The following GPR158 variants were observed in gnomAD, a reference collection of about 807,000 sequenced individuals.
The protein encoded by GPR158 is G protein-coupled receptor 158, also known as metabotropic glycine receptor.
In GPR158, 30 loss-of-function variants were observed where a neutral mutation model predicts 78.2. That is an observed-to-expected ratio of 0.38 (90% CI 0.29 to 0.52). The LOEUF (loss-of-function observed/expected upper bound fraction) is 0.52. Ranked by LOEUF, GPR158 falls within the 20% of genes least tolerant of loss-of-function variation. The pLI is 0.83. For synonymous variants in GPR158, 581 were observed against 591.1 expected (o/e 0.98, Z 0.25); for missense variants, 1,463 against 1,523.5 (o/e 0.96, Z 0.66).
intron 2 of GPR158, among the ~76,000 whole-genome samples, chr10:25,308,068 C>T (rs150034578): frequency 6.6e-6 from 1 of 152,114 alleles, no homozygotes; most frequent in African/African-American, 2.4e-5. Flanking sequence ...TTTAATTTAG[C>T]CAATATGTTA....
intron 8 of GPR158, among the ~76,000 whole-genome samples, chr10:25,592,266 T>C (rs138475969): frequency 4.8e-4 from 73 of 152,118 alleles, no homozygotes; most frequent in African/African-American, 1.2e-3. Context: ...AATTGTCAAA[T>C]TGCACAAAAA....
intron 2 of GPR158, among the ~76,000 whole-genome samples, chr10:25,295,949 G>A (rs967113400): frequency 4.6e-5 from 7 of 151,424 alleles, no homozygotes; most frequent in African/African-American, 1.5e-4. Context: ...TTAGATCAGA[G>A]ACCTCAGAAG....
rs958270051 is a variant in GPR158, at chr10:25,230,137, C to T, written c.1008+8980C>T. ...AAAATCAGTGACTAAAAAGATATTG[C>T]GGGGTAGAGAAATGGACAACTGCAT... On this transcript the variant is annotated intron_variant, in intron 2 of 10. Transcript: ENST00000376351. Among the ~76,000 whole-genome samples the T allele has an allele frequency of 3.9e-5, 6 of 151,990 alleles. No individual in the cohort carries two copies. In the East Asian group the frequency reaches 7.7e-4, roughly 20 times the overall value.
chr10:25,557,097 G>A (rs987479611), intron 6 of GPR158, among the ~76,000 whole-genome samples: 1 of 152,198 alleles, frequency 6.6e-6, no homozygotes, highest in Non-Finnish European at 1.5e-5. Context: ...TATTAATCGA[G>A]GAAGCACTAG....
intron 2 of GPR158, among the ~76,000 whole-genome samples, chr10:25,328,091 G>A (rs1855062384): frequency 6.6e-6 from 1 of 152,192 alleles, no homozygotes; most frequent in Non-Finnish European, 1.5e-5. Flanking sequence ...AATTTGGTTA[G>A]TGCATTGGGT....
At chr10:25,422,465 A>G (rs1056656105) in intron 4 of GPR158, among the ~76,000 whole-genome samples, 1 of 152,154 alleles carries the variant, frequency 6.6e-6, no homozygotes. Flanking sequence ...TCACCCCCAC[A>G]CACACCCTCC....
At chr10:25,498,266 G>T (rs1234184731) in intron 5 of GPR158, among the ~76,000 whole-genome samples, 1 of 152,174 alleles carries the variant, frequency 6.6e-6, no homozygotes, top group Non-Finnish European at 1.5e-5. Flanking sequence ...TTTCGGAATA[G>T]ATGCAGTTTG....
intron 2 of GPR158, among the ~76,000 whole-genome samples, chr10:25,269,645 C>G (rs1854089911): frequency 6.6e-6 from 1 of 152,162 alleles, no homozygotes; most frequent in Non-Finnish European, 1.5e-5. Flanking sequence ...ACAGTATAGA[C>G]CAGACACTCA....
At chr10:25,408,270 GTTC>G (rs1159343739) in intron 3 of GPR158, among the ~76,000 whole-genome samples, 1 of 152,272 alleles carries the variant, frequency 6.6e-6, no homozygotes, top group East Asian at 1.9e-4. Context: ...TTCTATTGTA[GTTC>G]TTCTTATGGT....
chr10:25,275,291 A>C lies in GPR158; in HGVS notation c.1008+54134A>C, dbSNP rs185656741. On this transcript the variant is annotated intron_variant, in intron 2 of 10. Coordinates refer to ENST00000376351, the MANE Select transcript of GPR158 (RefSeq NM_020752.3). ...GTCAGGAGCAAGGTTTTTGAAGTCCACCCCAAACCTTCTGAATTTCTGACT... is the reference window on the plus strand; with the variant it reads ...GTCAGGAGCAAGGTTTTTGAAGTCCCCCCCAAACCTTCTGAATTTCTGACT... Among the ~76,000 whole-genome samples, 4 of 152,196 alleles carry C rather than the reference A, an allele frequency of 2.6e-5. No individual in the cohort carries two copies. In the East Asian group the frequency reaches 7.7e-4, roughly 29 times the overall value.
chr10:25,180,043 G>C (rs1852594746), intron 1 of GPR158, among the ~76,000 whole-genome samples: 1 of 152,052 alleles, frequency 6.6e-6, no homozygotes. Flanking sequence ...AGGTACTTAA[G>C]GGTTTGTTGA....
chr10:25,311,448 A>G (rs904616668), intron 2 of GPR158, among the ~76,000 whole-genome samples: 7 of 151,944 alleles, frequency 4.6e-5, no homozygotes, highest in Non-Finnish European at 1.0e-4. Flanking sequence ...CTTTATTATA[A>G]CATTATATTC....
At chr10:25,295,554 C>T (rs1160178413) in intron 2 of GPR158, among the ~76,000 whole-genome samples, 4 of 151,762 alleles carry the variant, frequency 2.6e-5, no homozygotes, top group East Asian at 1.9e-4. Context: ...GCTGGGACTA[C>T]AGGCGCCCGC....
intron 5 of GPR158, among the ~76,000 whole-genome samples, chr10:25,532,010 C>T (rs1836429879): frequency 6.6e-6 from 1 of 152,154 alleles, no homozygotes; most frequent in African/African-American, 2.4e-5. Context: ...ATGGTGACTT[C>T]TTCACAGAGG....
chr10:25,251,915 A>G (rs953760375), intron 2 of GPR158, among the ~76,000 whole-genome samples: 1 of 152,106 alleles, frequency 6.6e-6, no homozygotes, highest in Non-Finnish European at 1.5e-5. Flanking sequence ...GTGTTTTCCA[A>G]CTTGGTTCCA....
chr10:25,596,593 A>C lies in GPR158; in HGVS notation c.1999-50A>C, dbSNP rs774435478. 3 of 1,407,434 alleles carry C rather than the reference A, an allele frequency of 2.1e-6. No individual in the cohort carries two copies. The South Asian group carries it at 3.6e-5, about 17-fold the overall frequency. 87.2% of individuals were successfully genotyped at this position (1,407,434 alleles called of 1,614,324 possible). On this transcript the variant is annotated intron_variant, in intron 9 of 10. Coordinates refer to ENST00000376351, the MANE Select transcript of GPR158 (RefSeq NM_020752.3). ...TATAGATATAGATATAGATATATGCAATGCGTTACAGTGAGCTAATGTCTA... is the reference window on the plus strand; with the variant it reads ...TATAGATATAGATATAGATATATGCCATGCGTTACAGTGAGCTAATGTCTA...
chr10:25,556,112 C>G (rs185222075), intron 6 of GPR158, among the ~76,000 whole-genome samples: 8 of 152,252 alleles, frequency 5.3e-5, no homozygotes, highest in African/African-American at 1.9e-4. Flanking sequence ...AACTGAAGTG[C>G]CTGAAGTGCA....
At position 25,478,151 on chromosome 10, in the gene GPR158, A is replaced by G. The variant is rs560973846; in HGVS notation, c.1404+11432A>G. Among the ~76,000 whole-genome samples, 5 of 152,322 alleles carry G rather than the reference A, an allele frequency of 3.3e-5. 1 individual carries two copies. In the South Asian group the frequency reaches 1.0e-3, roughly 32 times the overall value. On this transcript the variant is annotated intron_variant, in intron 5 of 10. Coordinates refer to ENST00000376351, the MANE Select transcript of GPR158 (RefSeq NM_020752.3). ...TCCAATCAGTGATGTATGAGGAACT[A>G]ACCAATAATCTTCCTTTAGTTGAAA... is the stretch of plus-strand genomic sequence containing the variant.
intron 2 of GPR158, among the ~76,000 whole-genome samples, chr10:25,376,889 A>G (rs1258322532): frequency 2.0e-5 from 3 of 151,508 alleles, no homozygotes; most frequent in East Asian, 3.9e-4. Flanking sequence ...TGATTTATGT[A>G]TATAACATAT....
Sources: gnomAD v4.1 joint callset for allele counts (sites outside exome capture counted in the v4.1 genomes callset) on GRCh38, gnomAD v4.1.1 for gene constraint, MANE v1.5 for transcripts, NCBI Gene and HGNC (gene_info 2026-07-23, HGNC 2026-07-21) for gene names.